The following DLGAP1 variants were observed in gnomAD, a reference collection of about 807,000 sequenced individuals.
DLGAP1 encodes disks large-associated protein 1.
A neutral mutation model predicts 90.8 loss-of-function variants in DLGAP1; 11 were observed. The observed-to-expected ratio is 0.12, with a 90% confidence interval of 0.08 to 0.20. The LOEUF is 0.20. DLGAP1 is among the 10% of genes least tolerant of loss of function. The pLI is 1.00. For synonymous variants in DLGAP1, 558 were observed against 540.7 expected (o/e 1.03, Z -0.44); for missense variants, 1,050 against 1,333.8 (o/e 0.79, Z 3.31).
At chr18:4,315,331 G>T (rs1424011333) in intron 1 of DLGAP1, among the ~76,000 whole-genome samples, 1 of 152,160 alleles carries the variant, frequency 6.6e-6, no homozygotes, top group Non-Finnish European at 1.5e-5. Context: ...TGATAATATG[G>T]ACTATACAGG....
chr18:4,332,002 G>C (rs965119715), intron 1 of DLGAP1, among the ~76,000 whole-genome samples: 4 of 151,808 alleles, frequency 2.6e-5, no homozygotes, highest in African/African-American at 9.7e-5. Flanking sequence ...GGGAAGACAG[G>C]CATCACTCCA....
At chr18:3,845,599 A>G (rs1277747859) in intron 4 of DLGAP1, 1 of 985,314 alleles carries the variant, frequency 1.0e-6, no homozygotes, top group Non-Finnish European at 1.2e-6. Context: ...GCAAAATCAT[A>G]TTGCTATCTT....
At chr18:4,245,443 G>GA (rs1568469092) in intron 1 of DLGAP1, among the ~76,000 whole-genome samples, 3 of 152,116 alleles carry the variant, frequency 2.0e-5, no homozygotes, top group African/African-American at 7.2e-5. Flanking sequence ...AGGGATTTCA[G>GA]AAAAAAGACA....
At chr18:3,505,277 C>G (rs1386954929) in intron 11 of DLGAP1, among the ~76,000 whole-genome samples, 2 of 152,120 alleles carry the variant, frequency 1.3e-5, no homozygotes, top group African/African-American at 2.4e-5. Context: ...TGCCTTTTAC[C>G]ATGGGGCTGT....
chr18:3,881,559 G>T (rs1238558657), intron 3 of DLGAP1, among the ~76,000 whole-genome samples: 1 of 152,026 alleles, frequency 6.6e-6, no homozygotes, highest in Non-Finnish European at 1.5e-5. Flanking sequence ...ACCTAGTGTC[G>T]ATCCAGCCAT....
At chr18:4,013,835 T>C (rs2074472733) in intron 2 of DLGAP1, 1 of 152,216 alleles carries the variant, frequency 6.6e-6, no homozygotes. Flanking sequence ...TAATCTATTC[T>C]CTGAATTCCA....
chr18:4,320,483 C>T (rs2080655900), intron 1 of DLGAP1, among the ~76,000 whole-genome samples: 1 of 152,170 alleles, frequency 6.6e-6, no homozygotes, highest in South Asian at 2.1e-4. Context: ...CACTGTGACT[C>T]TCTTCTTAGC....
At chr18:4,441,540 G>A (rs1226906489) in intron 1 of DLGAP1, among the ~76,000 whole-genome samples, 2 of 152,176 alleles carry the variant, frequency 1.3e-5, no homozygotes, top group African/African-American at 2.4e-5. Context: ...TCTTAATACC[G>A]CAGGCATTCT....
chr18:3,627,716 A>G (rs934734840), intron 7 of DLGAP1, among the ~76,000 whole-genome samples: 1 of 152,078 alleles, frequency 6.6e-6, no homozygotes, highest in Admixed American at 6.6e-5. Context: ...GCTGCAGTGC[A>G]GTGATGTAAT....
intron 8 of DLGAP1, chr18:3,580,884 C>A: frequency 3.2e-6 from 3 of 950,354 alleles, no homozygotes; most frequent in Non-Finnish European, 3.2e-6. Flanking sequence ...CCTGCAGTAG[C>A]GTCTGCCCTG....
At chr18:3,802,659 T>C (rs1039635235) in intron 5 of DLGAP1, among the ~76,000 whole-genome samples, 1 of 152,176 alleles carries the variant, frequency 6.6e-6, no homozygotes, top group African/African-American at 2.4e-5. Flanking sequence ...ATACATAATG[T>C]AATTTCAAAA....
At position 3,848,089 on chromosome 18, in the gene DLGAP1, T is replaced by C. The variant is rs2069115066; in HGVS notation, c.957+31023A>G. Among the ~76,000 whole-genome samples, 4 of 124,068 alleles carry C rather than the reference T, an allele frequency of 3.2e-5. No individual in the cohort carries two copies. The South Asian group carries it at 8.2e-4, about 26-fold the overall frequency. 81.4% of individuals were successfully genotyped at this position (124,068 alleles called of 152,430 possible). A position where few individuals can be genotyped will look rare whatever the true frequency, so the allele number is the denominator to read the frequency against. ...GCTGCAGTGAGTCATGATCGTGCCA[T>C]TGCACTCCAGCCTGGATGATGGAGC... On this transcript the variant is annotated intron_variant, in intron 4 of 12. Coordinates refer to ENST00000315677, the MANE Select transcript of DLGAP1 (RefSeq NM_004746.4).
At chr18:3,714,308 A>G (rs1184870345) in intron 7 of DLGAP1, among the ~76,000 whole-genome samples, 1 of 152,186 alleles carries the variant, frequency 6.6e-6, no homozygotes, top group African/African-American at 2.4e-5. Context: ...AAGAATCACT[A>G]CAAACTACAT....
At chr18:3,777,234 G>T (rs912430559) in intron 5 of DLGAP1, among the ~76,000 whole-genome samples, 1 of 152,142 alleles carries the variant, frequency 6.6e-6, no homozygotes, top group Non-Finnish European at 1.5e-5. Context: ...TATGGCTGGG[G>T]TGTTTTGGCA....
intron 8 of DLGAP1, among the ~76,000 whole-genome samples, chr18:3,572,077 T>TC (rs2054828767): frequency 6.9e-6 from 1 of 144,876 alleles, no homozygotes; most frequent in East Asian, 2.1e-4. Context: ...AGGTTTTTTT[T>TC]TTTTTTTTTT....
At chr18:4,086,701 T>G (rs925274879) in intron 2 of DLGAP1, among the ~76,000 whole-genome samples, 1 of 152,118 alleles carries the variant, frequency 6.6e-6, no homozygotes, top group African/African-American at 2.4e-5. Flanking sequence ...TGAAGTTTGT[T>G]TTATAGCCTA....
chr18:4,300,413 G>A (rs1293366184), intron 1 of DLGAP1, among the ~76,000 whole-genome samples: 4 of 151,970 alleles, frequency 2.6e-5, no homozygotes, highest in African/African-American at 7.2e-5. Flanking sequence ...TTTACTGATC[G>A]CTTTGCCCTA....
chr18:4,075,531 T>A (rs1453716576), intron 2 of DLGAP1, among the ~76,000 whole-genome samples: 1 of 152,152 alleles, frequency 6.6e-6, no homozygotes, highest in Non-Finnish European at 1.5e-5. Flanking sequence ...AAAAATGTGG[T>A]TGGGTCCCAA....
chr18:4,077,508 G>A (rs1371875710), intron 2 of DLGAP1, among the ~76,000 whole-genome samples: 2 of 152,052 alleles, frequency 1.3e-5, no homozygotes, highest in Non-Finnish European at 2.9e-5. Context: ...GGCAGGGGTG[G>A]GGAGCTGTGA....
Sources: gnomAD v4.1 joint callset for allele counts (sites outside exome capture counted in the v4.1 genomes callset) on GRCh38, gnomAD v4.1.1 for gene constraint, MANE v1.5 for transcripts, NCBI Gene and HGNC (gene_info 2026-07-23, HGNC 2026-07-21) for gene names.